AGBL4: variants seen among roughly 807,000 people sequenced by gnomAD.
The protein encoded by AGBL4 is cytosolic carboxypeptidase 6.
AGBL4 carries 58 observed loss-of-function variants against 66.4 expected under a neutral mutation model. The observed-to-expected ratio is 0.87, with a 90% confidence interval of 0.71 to 1.09. The LOEUF is 1.09. Ranked by LOEUF, AGBL4 falls within the 50% of genes least tolerant of loss-of-function variation. The pLI, the probability that AGBL4 is intolerant of heterozygous loss-of-function variation, is 0.00. For missense variants in AGBL4, 579 were observed against 631.0 expected, an observed-to-expected ratio of 0.92 and a Z score of 0.88; for synonymous variants, 234 against 222.9, an observed-to-expected ratio of 1.05 and a Z score of -0.44.
intron 6 of AGBL4, among the ~76,000 whole-genome samples, chr1:48,791,868 T>C (rs1040407669): frequency 6.6e-6 from 1 of 152,188 alleles, no homozygotes; most frequent in African/African-American, 2.4e-5. Flanking sequence ...TCAAAAAACA[T>C]TTCCCGAGCC....
intron 5 of AGBL4, among the ~76,000 whole-genome samples, chr1:49,013,435 G>A (rs767450170): frequency 4.1e-4 from 63 of 152,304 alleles, no homozygotes; most frequent in South Asian, 8.3e-4. Flanking sequence ...GAGTCTTGGT[G>A]AGCAAGAAAA....
chr1:48,979,483 A>C (rs1659581060), intron 5 of AGBL4, among the ~76,000 whole-genome samples: 1 of 152,196 alleles, frequency 6.6e-6, no homozygotes, highest in African/African-American at 2.4e-5. Flanking sequence ...AAAATTTAAT[A>C]GTAAATAGGG....
intron 3 of AGBL4, among the ~76,000 whole-genome samples, chr1:49,478,856 T>C (rs1646896983): frequency 1.4e-5 from 2 of 147,846 alleles, no homozygotes; most frequent in South Asian, 4.5e-4. Context: ...GGAGTTAAAA[T>C]GTAGAGTTTT....
At chr1:49,265,736 G>A (rs756051252) in intron 3 of AGBL4, among the ~76,000 whole-genome samples, 3 of 151,980 alleles carry the variant, frequency 2.0e-5, no homozygotes, top group East Asian at 3.9e-4. Context: ...ACATATATAC[G>A]TACATGAACC....
intron 1 of AGBL4, among the ~76,000 whole-genome samples, chr1:50,020,341 A>G (rs1029053750): frequency 1.8e-4 from 27 of 152,228 alleles, no homozygotes; most frequent in African/African-American, 6.5e-4. Context: ...TACGGACATA[A>G]CATTTATTGG....
intron 2 of AGBL4, among the ~76,000 whole-genome samples, chr1:49,790,066 A>G (rs1277794340): frequency 6.6e-6 from 1 of 152,160 alleles, no homozygotes; most frequent in Non-Finnish European, 1.5e-5. Flanking sequence ...ACCTGACAAA[A>G]AAAGCAATGG....
chr1:49,867,714 T>C (rs1646738677), intron 1 of AGBL4, among the ~76,000 whole-genome samples: 1 of 152,068 alleles, frequency 6.6e-6, no homozygotes. Context: ...CAAGAGGTCC[T>C]GAAGGAAGCA....
At chr1:48,733,197 G>T (rs915878083) in intron 6 of AGBL4, among the ~76,000 whole-genome samples, 1 of 152,140 alleles carries the variant, frequency 6.6e-6, no homozygotes, top group Non-Finnish European at 1.5e-5. Context: ...CTTTGCTTTT[G>T]TAAGAAATGA....
At chr1:49,899,950 G>C (rs1422572177) in intron 1 of AGBL4, among the ~76,000 whole-genome samples, 5 of 152,068 alleles carry the variant, frequency 3.3e-5, no homozygotes, top group African/African-American at 9.7e-5. Flanking sequence ...GCTGAGGCTG[G>C]AGAATCACTT....
chr1:48,844,859 G>A (rs764850869), intron 6 of AGBL4, among the ~76,000 whole-genome samples: 5 of 152,184 alleles, frequency 3.3e-5, no homozygotes, highest in Non-Finnish European at 7.3e-5. Flanking sequence ...ATTCATCTCT[G>A]TATGGTAGGA....
intron 3 of AGBL4, among the ~76,000 whole-genome samples, chr1:49,386,226 A>T (rs923003585): frequency 1.8e-4 from 28 of 151,724 alleles, no homozygotes; most frequent in African/African-American, 6.5e-4. Context: ...ATATCAGTTT[A>T]AAAAAATGAA....
chr1:48,844,386 T>G (rs916627674), intron 6 of AGBL4, among the ~76,000 whole-genome samples: 7 of 152,208 alleles, frequency 4.6e-5, no homozygotes, highest in African/African-American at 1.7e-4. Flanking sequence ...TATCCATGCT[T>G]TCCCATCTGA....
intron 9 of AGBL4, among the ~76,000 whole-genome samples, chr1:48,632,474 G>A (rs1435595172): frequency 6.6e-6 from 1 of 152,096 alleles, no homozygotes; most frequent in Non-Finnish European, 1.5e-5. Flanking sequence ...CTTCCCTTGT[G>A]TTCCTCCCCC....
At chr1:48,779,816 C>T (rs902176125) in intron 6 of AGBL4, among the ~76,000 whole-genome samples, 2 of 150,914 alleles carry the variant, frequency 1.3e-5, no homozygotes, top group African/African-American at 4.9e-5. Flanking sequence ...CAGGTTCAAG[C>T]GATTCTCCTG....
At chr1:49,575,644 G>T (rs976894117) in intron 3 of AGBL4, among the ~76,000 whole-genome samples, 2 of 152,200 alleles carry the variant, frequency 1.3e-5, no homozygotes, top group African/African-American at 4.8e-5. Context: ...TAACCAAGTG[G>T]CGACTCCAAT....
chr1:48,884,117 G>C (rs891573304), intron 5 of AGBL4, among the ~76,000 whole-genome samples: 4 of 152,106 alleles, frequency 2.6e-5, no homozygotes, highest in African/African-American at 9.7e-5. Flanking sequence ...TCTGGCTCTA[G>C]CTTTTCAGCA....
At chr1:49,789,330 T>C (rs1295492180) in intron 2 of AGBL4, among the ~76,000 whole-genome samples, 1 of 152,120 alleles carries the variant, frequency 6.6e-6, no homozygotes, top group Non-Finnish European at 1.5e-5. Context: ...TGCCAGGTTA[T>C]GGTATAAAAA....
intron 3 of AGBL4, among the ~76,000 whole-genome samples, chr1:49,487,564 G>A (rs537630887): frequency 1.3e-4 from 19 of 151,874 alleles, no homozygotes; most frequent in Admixed American, 3.3e-4. Context: ...CTCTCACTCC[G>A]TCCTGCTGCC....
chr1:49,702,303 CAACATGGTGAA>C (rs1647111527), intron 2 of AGBL4, among the ~76,000 whole-genome samples: 1 of 151,972 alleles, frequency 6.6e-6, no homozygotes, highest in Non-Finnish European at 1.5e-5. Context: ...CCATCCTGGC[CAACATGGTGAA>C]AACTCGTCTC....
Sources: gnomAD v4.1 joint callset for allele counts (sites outside exome capture counted in the v4.1 genomes callset) on GRCh38, gnomAD v4.1.1 for gene constraint, MANE v1.5 for transcripts, NCBI Gene and HGNC (gene_info 2026-07-23, HGNC 2026-07-21) for gene names.